Variants in CDH4 observed in about 807,000 individuals in gnomAD.
CDH4 encodes cadherin 4, also known as cadherin-4.
CDH4 carries 33 observed loss-of-function variants against 86.0 expected under a neutral mutation model. That is an observed-to-expected ratio of 0.38 (90% CI 0.29 to 0.51). The LOEUF (loss-of-function observed/expected upper bound fraction) is 0.51, where lower values mean the gene tolerates loss of function less well. Among genes scored for constraint, CDH4 ranks in the 20% least tolerant of loss-of-function variants. The pLI is 0.86. For missense variants in CDH4, 1,114 were observed against 1,307.4 expected, an observed-to-expected ratio of 0.85 and a Z score of 2.28; for synonymous variants, 555 against 549.4, an observed-to-expected ratio of 1.01 and a Z score of -0.14.
chr20:61,334,984 G>A (rs778686973), intron 2 of CDH4, among the ~76,000 whole-genome samples: 27 of 152,228 alleles, frequency 1.8e-4, no homozygotes, highest in Non-Finnish European at 3.1e-4. Context: ...AGACTTCTCA[G>A]TAAGAGGCAT....
chr20:61,503,261 C>T (rs377446048), intron 2 of CDH4, among the ~76,000 whole-genome samples: 78 of 152,230 alleles, frequency 5.1e-4, no homozygotes, highest in African/African-American at 1.8e-3. Context: ...GAAATGTGTC[C>T]GTTCATAGTT....
chr20:61,878,769 C>T (rs372088772), intron 7 of CDH4, among the ~76,000 whole-genome samples: 102 of 152,386 alleles, frequency 6.7e-4, no homozygotes, highest in African/African-American at 2.3e-3. Flanking sequence ...CCCGCTCAGC[C>T]ATTCCAGGTC....
At chr20:61,636,527 G>T (rs1014448130) in intron 2 of CDH4, among the ~76,000 whole-genome samples, 1 of 152,278 alleles carries the variant, frequency 6.6e-6, no homozygotes, top group African/African-American at 2.4e-5. Flanking sequence ...TCGCAGGGCT[G>T]TCCCCGGCAG....
intron 2 of CDH4, among the ~76,000 whole-genome samples, chr20:61,390,860 T>C (rs1329558967): frequency 6.6e-6 from 1 of 152,256 alleles, no homozygotes. Context: ...AGGGTGCCCA[T>C]AGCACCATGT....
At chr20:61,563,767 G>A (rs1283004731) in intron 2 of CDH4, among the ~76,000 whole-genome samples, 1 of 152,208 alleles carries the variant, frequency 6.6e-6, no homozygotes, top group African/African-American at 2.4e-5. Context: ...CCCTCTGTGT[G>A]GCTCTGTGGA....
At chr20:61,490,423 G>A (rs557248488) in intron 2 of CDH4, among the ~76,000 whole-genome samples, 35 of 152,324 alleles carry the variant, frequency 2.3e-4, no homozygotes, top group South Asian at 1.5e-3. Context: ...CATGGTGGCC[G>A]GGCGCAGTGG....
intron 2 of CDH4, among the ~76,000 whole-genome samples, chr20:61,643,597 T>G (rs1370875052): frequency 6.6e-6 from 1 of 152,218 alleles, no homozygotes; most frequent in East Asian, 1.9e-4. Flanking sequence ...CCCATGTGTG[T>G]TGAAGAACAC....
intron 2 of CDH4, among the ~76,000 whole-genome samples, chr20:61,288,352 C>T (rs2084304060): frequency 6.6e-6 from 1 of 152,176 alleles, no homozygotes; most frequent in Non-Finnish European, 1.5e-5. Context: ...GGCAGACAAC[C>T]TAATGCCCTT....
chr20:61,420,517 C>G (rs1206073130), intron 2 of CDH4, among the ~76,000 whole-genome samples: 1 of 152,258 alleles, frequency 6.6e-6, no homozygotes, highest in Non-Finnish European at 1.5e-5. Flanking sequence ...ACAAAATAAG[C>G]AGGCCCAGCC....
Position 61,894,934 on chromosome 20 carries a change from G to C in CDH4, c.1075G>C (p.Val359Leu). 1.2e-6 allele frequency: 2 copies of C among 1,613,860 alleles called. No homozygotes were observed. Among genetic ancestry groups the C allele is most frequent in the Non-Finnish European group, 8.5e-7 (1 of 1,179,956 alleles). Residue 359 changes from valine (V) to leucine (L), a missense_variant, in exon 8 of 16, where the codon GTT becomes CTT. Transcript: ENST00000614565. ...GAAAGTTCAGCAGTACACAGTCATC[G>C]TTCAGGCCACAGATATGGAAGGAAA... ...REKVQQYTVI[V>L]QATDMEGNLN... is the part of the protein sequence containing the mutation.
At chr20:61,398,953 G>T (rs1386752611) in intron 2 of CDH4, among the ~76,000 whole-genome samples, 1 of 152,136 alleles carries the variant, frequency 6.6e-6, no homozygotes, top group Non-Finnish European at 1.5e-5. Flanking sequence ...GCAGCCTCTG[G>T]CCATGGAGGT....
chr20:61,294,432 C>T (rs147771299), intron 2 of CDH4, among the ~76,000 whole-genome samples: 19 of 152,326 alleles, frequency 1.2e-4, no homozygotes, highest in African/African-American at 3.1e-4. Flanking sequence ...GGCAGGGCCC[C>T]GACTCGGCCC....
intron 4 of CDH4, among the ~76,000 whole-genome samples, chr20:61,788,709 TCC>T (rs1015217840): frequency 6.6e-6 from 1 of 152,226 alleles, no homozygotes; most frequent in Non-Finnish European, 1.5e-5. Context: ...TTCTGAAGAC[TCC>T]TTTCTCAGAA....
At chr20:61,593,384 A>G (rs896598264) in intron 2 of CDH4, among the ~76,000 whole-genome samples, 1 of 152,196 alleles carries the variant, frequency 6.6e-6, no homozygotes, top group Non-Finnish European at 1.5e-5. Context: ...TGGCTGGGTC[A>G]TAGGATAACT....
At chr20:61,652,662 C>T (rs566593850) in intron 2 of CDH4, among the ~76,000 whole-genome samples, 17 of 152,014 alleles carry the variant, frequency 1.1e-4, no homozygotes, top group African/African-American at 3.9e-4. Flanking sequence ...CAGAAAAACC[C>T]GATTCCATAC....
rs558004178 is a variant in CDH4 at position 61,421,795 on chromosome 20, G to A, written c.169+166858G>A. On this transcript the variant is annotated intron_variant, in intron 2 of 15. Coordinates refer to ENST00000614565, the MANE Select transcript of CDH4 (RefSeq NM_001794.5). ...GGCCCCCATCATTTGTCCAGCGCTGGCTGATGGAGGCCCACTGGGTGTGCA... is the reference window on the plus strand; with the variant it reads ...GGCCCCCATCATTTGTCCAGCGCTGACTGATGGAGGCCCACTGGGTGTGCA... 1.6e-4 allele frequency among the ~76,000 whole-genome samples: 25 copies of A among 152,204 alleles called. 1 individual carries two copies. Among genetic ancestry groups the A allele is most frequent in the South Asian group, 4.1e-4 (2 of 4,828 alleles).
At chr20:61,439,516 T>C (rs1203912820) in intron 2 of CDH4, among the ~76,000 whole-genome samples, 1 of 152,236 alleles carries the variant, frequency 6.6e-6, no homozygotes, top group Non-Finnish European at 1.5e-5. Flanking sequence ...CTTGGAGATA[T>C]GCTGGCAGCA....
intron 2 of CDH4, among the ~76,000 whole-genome samples, chr20:61,305,128 G>A (rs572204883): frequency 6.6e-6 from 1 of 152,090 alleles, no homozygotes; most frequent in Admixed American, 6.6e-5. Flanking sequence ...CCTGTATTGT[G>A]TGTGGGGAGT....
In CDH4 at chr20:61,269,038, A is replaced by G. The variant is rs907373677; in HGVS notation, c.169+14101A>G. Among the ~76,000 whole-genome samples the G allele has an allele frequency of 1.3e-5, 2 of 152,306 alleles. No individual in the cohort carries two copies. The highest frequency in any genetic ancestry group is 2.1e-4 in the South Asian group (1 of 4,826). ...CACCTTGGGTGAGCATCAGAACCCC[A>G]TGGAAAGCCCTGTGGTGGTCCTGGG... is the stretch of plus-strand genomic sequence containing the variant. On this transcript the variant is annotated intron_variant, in intron 2 of 15. Transcript: ENST00000614565. The surrounding 1 kb of genome is among the most constrained non-coding windows in gnomAD (Gnocchi z 5.3).
Sources: gnomAD v4.1 joint callset for allele counts (sites outside exome capture counted in the v4.1 genomes callset) on GRCh38, gnomAD v4.1.1 for gene constraint, Gnocchi (gnomAD v3.1) non-coding constraint, MANE v1.5 for transcripts, NCBI Gene and HGNC (gene_info 2026-07-23, HGNC 2026-07-21) for gene names.